Variants in GXYLT1 observed in about 807,000 individuals in gnomAD.
GXYLT1 encodes the protein glycosyltransferase 8 domain containing 3.
Under a neutral mutation model 54.0 loss-of-function variants are expected in GXYLT1, and 29 were observed. That is an observed-to-expected ratio of 0.54 (90% confidence interval 0.40 to 0.73). GXYLT1 has a LOEUF of 0.73. Among genes scored for constraint, GXYLT1 ranks in the 30% least tolerant of loss-of-function variants. The probability of loss-of-function intolerance (pLI) is 0.00; values close to 1 mark genes in which losing one functional copy is unlikely to be tolerated. For missense variants in GXYLT1, 490 were observed against 553.4 expected (o/e 0.89, Z 1.15); for synonymous variants, 176 against 204.1 (o/e 0.86, Z 1.17).
At position 42,087,859 on chromosome 12, in the gene GXYLT1, A is replaced by G. The variant is rs768856968; in HGVS notation, c.1250T>C (p.Ile417Thr). 7 of 1,604,646 alleles carry G rather than the reference A, an allele frequency of 4.4e-6. No individual in the cohort carries two copies. In the Admixed American group the frequency reaches 1.2e-4, roughly 27 times the overall value. The change falls in exon 8 of 8, where the codon ATT becomes ACT. Residue 417 changes from isoleucine (I) to threonine (T), a missense_variant. Ile to Thr is a moderately conservative substitution (Grantham distance 89, BLOSUM62 -1). Coordinates refer to ENST00000398675, the MANE Select transcript of GXYLT1 (RefSeq NM_173601.2). The stretch of plus-strand genomic sequence containing the variant: ...TAGTTGTTTGATAAATATTTTGTAA[A>G]TTTTTCCACAGTATGTATGCACTGT... ...QKTVHTYCGK[I>T]YKIFIKQLAK... is the part of the protein sequence containing the mutation.
At chr12:42,141,084 C>T (rs1352033862) in intron 1 of GXYLT1, among the ~76,000 whole-genome samples, 1 of 152,212 alleles carries the variant, frequency 6.6e-6, no homozygotes, top group Non-Finnish European at 1.5e-5. Context: ...CAACACCAAT[C>T]ATGTTATTCT....
Position 42,084,683 on chromosome 12 carries a change from C to A in GXYLT1, c.*3103G>T, listed in dbSNP as rs1233104705. The A allele has an allele frequency of 6.6e-6, 1 of 152,286 alleles. No individual in the cohort carries two copies. Among genetic ancestry groups the A allele is most frequent in the Non-Finnish European group, 1.5e-5 (1 of 68,048 alleles). 9.4% of individuals were successfully genotyped at this position (152,286 alleles called of 1,614,324 possible). ...AAAATCTGGTCTTCTTTTCACTATA[C>A]CAATAACATCTGACTGGAGGCAAGA... On this transcript the variant is annotated 3_prime_UTR_variant, in exon 8 of 8. Transcript: ENST00000398675.
At chr12:42,112,188 TG>T (rs1205358772) in intron 3 of GXYLT1, among the ~76,000 whole-genome samples, 1 of 151,704 alleles carries the variant, frequency 6.6e-6, no homozygotes, top group African/African-American at 2.4e-5. Flanking sequence ...ACCACAAAGA[TG>T]GGGAAAAAAA....
chr12:42,118,358 T>A (rs2065509377), intron 3 of GXYLT1, among the ~76,000 whole-genome samples: 1 of 152,270 alleles, frequency 6.6e-6, no homozygotes, highest in African/African-American at 2.4e-5. Flanking sequence ...GATTTCTCAG[T>A]CCTATGACTA....
rs2065289543 is a variant in GXYLT1 at position 42,085,831 on chromosome 12, G to A, written c.*1955C>T. On this transcript the variant is annotated 3_prime_UTR_variant, in exon 8 of 8. Coordinates refer to ENST00000398675, the MANE Select transcript of GXYLT1 (RefSeq NM_173601.2). ...GTTCACAGCAGTGAAATAACACAAT[G>A]TATGGGATTTTAAGATACTTAAGCA... 6.6e-6 allele frequency: 1 copy of A among 152,262 alleles called. No homozygotes were observed. Among genetic ancestry groups the A allele is most frequent in the African/African-American group, 2.4e-5 (1 of 41,470 alleles). 9.4% of individuals were successfully genotyped at this position (152,262 alleles called of 1,614,324 possible).
chr12:42,143,838 TA>T (rs1284954975), intron 1 of GXYLT1, among the ~76,000 whole-genome samples: 2 of 152,240 alleles, frequency 1.3e-5, no homozygotes, highest in African/African-American at 4.8e-5. Context: ...TCATTTTTCT[TA>T]ATTTGCTCTA....
intron 3 of GXYLT1, among the ~76,000 whole-genome samples, chr12:42,113,721 GA>G (rs1234615909): frequency 6.6e-6 from 1 of 150,842 alleles, no homozygotes; most frequent in Non-Finnish European, 1.5e-5. Flanking sequence ...ACAGATCAAC[GA>G]GACAGAAAGT....
Position 42,084,652 on chromosome 12 carries a change from T to C in GXYLT1, c.*3134A>G, listed in dbSNP as rs1366294808. The C allele has an allele frequency of 1.2e-5, 1 of 85,810 alleles. No individual in the cohort carries two copies. The highest frequency in any genetic ancestry group is 4.4e-5 in the African/African-American group (1 of 22,962). 5.3% of individuals were successfully genotyped at this position (85,810 alleles called of 1,614,324 possible). ...AGTTACTAAAAAGAGAATCCAGATCTAGTTCAAAATCTGGTCTTCTTTTCA... is the reference window on the plus strand; with the variant it reads ...AGTTACTAAAAAGAGAATCCAGATCCAGTTCAAAATCTGGTCTTCTTTTCA... On this transcript the variant is annotated 3_prime_UTR_variant, in exon 8 of 8. Transcript: ENST00000398675.
In GXYLT1 at chr12:42,130,102, A is replaced by T. The variant is rs563876510; in HGVS notation, c.222-251T>A. Reference sequence around the variant, plus strand: ...TTGGGAAACAGTGTTTCCGTCGGAGAGTCTCCTGATAAAATCCCCTCCTCA... The same window carrying T: ...TTGGGAAACAGTGTTTCCGTCGGAGTGTCTCCTGATAAAATCCCCTCCTCA... On this transcript the variant is annotated intron_variant, in intron 1 of 7. Coordinates refer to ENST00000398675, the MANE Select transcript of GXYLT1 (RefSeq NM_173601.2). Among the ~76,000 whole-genome samples, 111 of 152,310 alleles carry T rather than the reference A, an allele frequency of 7.3e-4. 1 individual carries two copies. Among genetic ancestry groups the T allele is most frequent in the African/African-American group, 2.6e-3 (107 of 41,566 alleles).
chr12:42,118,432 G>C (rs2065509757), intron 3 of GXYLT1, among the ~76,000 whole-genome samples: 2 of 152,176 alleles, frequency 1.3e-5, no homozygotes, highest in South Asian at 4.1e-4. Context: ...TTACTTTTAA[G>C]TAGCCCACTG....
chr12:42,116,130 C>A (rs939814648), intron 3 of GXYLT1, among the ~76,000 whole-genome samples: 4 of 151,908 alleles, frequency 2.6e-5, no homozygotes, highest in African/African-American at 9.7e-5. Flanking sequence ...AAAATTAATT[C>A]AAGATGGATT....
intron 3 of GXYLT1, among the ~76,000 whole-genome samples, chr12:42,110,793 C>T (rs1009964174): frequency 1.3e-5 from 2 of 152,178 alleles, no homozygotes; most frequent in Non-Finnish European, 2.9e-5. Context: ...CTTTTCAATA[C>T]CAACTTCAAA....
chr12:42,129,004 C>A (rs1592123784), intron 2 of GXYLT1, among the ~76,000 whole-genome samples: 1 of 152,082 alleles, frequency 6.6e-6, no homozygotes, highest in East Asian at 1.9e-4. Flanking sequence ...CATAAAGACG[C>A]AGTAAATAGA....
At chr12:42,089,103 C>A (rs1462581601) in intron 7 of GXYLT1, among the ~76,000 whole-genome samples, 1 of 151,792 alleles carries the variant, frequency 6.6e-6, no homozygotes, top group Non-Finnish European at 1.5e-5. Context: ...ATCACACATA[C>A]TCAAGATAAA....
At position 42,109,681 on chromosome 12, in the gene GXYLT1, C is replaced by T; in HGVS notation, c.497G>A (p.Trp166Ter). The T allele has an allele frequency of 1.3e-6, 2 of 1,519,682 alleles. No homozygotes were observed. The highest frequency in any genetic ancestry group is 1.2e-5 in the South Asian group (1 of 80,548). 94.1% of individuals were successfully genotyped at this position (1,519,682 alleles called of 1,614,324 possible). A position where few individuals can be genotyped will look rare whatever the true frequency, so the allele number is the denominator to read the frequency against. The change falls in exon 4 of 8, where the codon TGG becomes TAG. Residue 166 changes from tryptophan (W) to a stop codon, truncating the protein, a stop_gained. Transcript: ENST00000398675. LOFTEE classifies it high-confidence loss of function. ...ATAATTAAATGTTTGTAGAAATGAC[C>T]AGTTGTCAAGCTAAAACAATTTAAA... The part of the protein sequence containing the change: ...HHSFKGRLDN[W>*]SFLQTFNYTL...
chr12:42,129,484 A>G (rs1278342766), intron 2 of GXYLT1, among the ~76,000 whole-genome samples: 3 of 152,180 alleles, frequency 2.0e-5, no homozygotes, highest in African/African-American at 7.2e-5. Flanking sequence ...CTAGTTTATC[A>G]CTTTATCAAC....
At chr12:42,105,768 T>A in intron 5 of GXYLT1, 50 bp downstream of exon 5, 1 of 1,472,120 alleles carries the variant, frequency 6.8e-7, no homozygotes, top group Non-Finnish European at 9.2e-7. Context: ...TAAAAACAAT[T>A]TAGAAGGTTT....
intron 2 of GXYLT1, among the ~76,000 whole-genome samples, chr12:42,122,271 A>T (rs187275450): frequency 6.6e-6 from 1 of 152,316 alleles, no homozygotes; most frequent in Admixed American, 6.5e-5. Context: ...TATGACAGTA[A>T]TGAATGATAG....
chr12:42,099,700 A>G (rs2065378548), intron 5 of GXYLT1, among the ~76,000 whole-genome samples: 1 of 152,174 alleles, frequency 6.6e-6, no homozygotes, highest in South Asian at 2.1e-4. Context: ...AGTACAAAAA[A>G]CTAGTCACGC....
Sources: gnomAD v4.1 joint callset for allele counts (sites outside exome capture counted in the v4.1 genomes callset) on GRCh38, gnomAD v4.1.1 for gene constraint, MANE v1.5 for transcripts, NCBI Gene and HGNC (gene_info 2026-07-23, HGNC 2026-07-21) for gene names.